Variants in DEPDC1B observed in about 807,000 individuals in gnomAD.
The protein encoded by DEPDC1B is DEP domain-containing protein 1B.
In DEPDC1B, 51 loss-of-function variants were observed where a neutral mutation model predicts 66.5. The ratio of observed to expected loss-of-function variants is 0.77; its 90% CI spans 0.61 to 0.97. The LOEUF is 0.97. Ranked by LOEUF, DEPDC1B falls within the 50% of genes least tolerant of loss-of-function variation. The probability of loss-of-function intolerance (pLI) is 0.00; values close to 1 mark genes in which losing one functional copy is unlikely to be tolerated. For missense variants in DEPDC1B, 552 were observed against 637.1 expected, an observed-to-expected ratio of 0.87 and a Z score of 1.44; for synonymous variants, 226 against 223.6, an observed-to-expected ratio of 1.01 and a Z score of -0.10.
chr5:60,610,761 T>G (rs1412719911), intron 7 of DEPDC1B, among the ~76,000 whole-genome samples: 2 of 152,202 alleles, frequency 1.3e-5, no homozygotes, highest in Non-Finnish European at 2.9e-5. Flanking sequence ...ACTGGAAGAT[T>G]TTCAGGCTTG....
At chr5:60,684,834 C>A (rs1754376377) in intron 2 of DEPDC1B, among the ~76,000 whole-genome samples, 1 of 152,094 alleles carries the variant, frequency 6.6e-6, no homozygotes, top group African/African-American at 2.4e-5. Flanking sequence ...AACTATTCAT[C>A]CAACAAGGGA....
chr5:60,657,037 T>C (rs1356715805), intron 2 of DEPDC1B, among the ~76,000 whole-genome samples: 2 of 152,246 alleles, frequency 1.3e-5, no homozygotes, highest in Admixed American at 6.5e-5. Flanking sequence ...TTTATCATTA[T>C]ATAATATTCC....
chr5:60,619,236 G>T (rs1277871634), intron 7 of DEPDC1B, among the ~76,000 whole-genome samples: 1 of 152,158 alleles, frequency 6.6e-6, no homozygotes, highest in African/African-American at 2.4e-5. Context: ...CACAAGACAG[G>T]GATGTCCTCT....
intron 7 of DEPDC1B, among the ~76,000 whole-genome samples, chr5:60,606,829 T>C (rs1752321313): frequency 6.6e-6 from 1 of 151,870 alleles, no homozygotes; most frequent in Non-Finnish European, 1.5e-5. Context: ...TTTTTTACTA[T>C]ATTTGTCCCT....
chr5:60,616,985 A>C (rs1752572347), intron 7 of DEPDC1B, among the ~76,000 whole-genome samples: 1 of 152,364 alleles, frequency 6.6e-6, no homozygotes, highest in East Asian at 1.9e-4. Context: ...CCAATATTCA[A>C]CATTCCTGAA....
intron 2 of DEPDC1B, among the ~76,000 whole-genome samples, chr5:60,650,109 G>A (rs867354080): frequency 1.3e-5 from 2 of 152,006 alleles, no homozygotes; most frequent in Admixed American, 6.6e-5. Context: ...CCAGCTACTC[G>A]GGAAGCTGAG....
At chr5:60,622,015 T>C (rs1358051427) in intron 7 of DEPDC1B, among the ~76,000 whole-genome samples, 1 of 149,418 alleles carries the variant, frequency 6.7e-6, no homozygotes, top group East Asian at 1.9e-4. Flanking sequence ...AAAATAAAAA[T>C]AAAACATGAT....
At chr5:60,671,302 AC>A (rs1161231603) in intron 2 of DEPDC1B, among the ~76,000 whole-genome samples, 1 of 152,184 alleles carries the variant, frequency 6.6e-6, no homozygotes, top group Non-Finnish European at 1.5e-5. Flanking sequence ...GAAAGCACCA[AC>A]GTGTGGGCAA....
chr5:60,618,309 GAGACACAAA>G (rs1295008649), intron 7 of DEPDC1B, among the ~76,000 whole-genome samples: 1 of 152,122 alleles, frequency 6.6e-6, no homozygotes, highest in Non-Finnish European at 1.5e-5. Context: ...GAAGGAAATA[GAGACACAAA>G]AAACCCTTCA....
At chr5:60,686,345 C>T (rs1010549026) in intron 2 of DEPDC1B, among the ~76,000 whole-genome samples, 3 of 152,192 alleles carry the variant, frequency 2.0e-5, no homozygotes, top group Admixed American at 6.5e-5. Context: ...CTCTCCTCCA[C>T]CTCCAGCAAT....
intron 7 of DEPDC1B, among the ~76,000 whole-genome samples, chr5:60,615,789 G>A (rs879348564): frequency 2.0e-5 from 3 of 152,226 alleles, no homozygotes; most frequent in Non-Finnish European, 2.9e-5. Flanking sequence ...GCCTTGAAGA[G>A]AGTAGTGGTT....
In DEPDC1B at chr5:60,650,129, T is replaced by A. The variant is rs572456239; in HGVS notation, c.315-2596A>T. Among the ~76,000 whole-genome samples the A allele has an allele frequency of 3.9e-3, 592 of 152,022 alleles. 3 individuals are homozygous for A. Among genetic ancestry groups the A allele is most frequent in the Non-Finnish European group, 5.7e-3 (386 of 67,992 alleles). On this transcript the variant is annotated intron_variant, in intron 2 of 10. Coordinates refer to ENST00000265036, the MANE Select transcript of DEPDC1B (RefSeq NM_018369.3). ...TACTCGGGAAGCTGAGATGAGAGGA[T>A]CACTTGAAGCCAGGAGTTCAAGACC...
chr5:60,623,999 T>C (rs1207548265), intron 7 of DEPDC1B, among the ~76,000 whole-genome samples: 1 of 152,186 alleles, frequency 6.6e-6, no homozygotes, highest in African/African-American at 2.4e-5. Flanking sequence ...TTCATTTTCA[T>C]GCCTTTAAGG....
intron 7 of DEPDC1B, among the ~76,000 whole-genome samples, chr5:60,630,079 A>G (rs1434585881): frequency 1.3e-5 from 2 of 152,200 alleles, no homozygotes; most frequent in Non-Finnish European, 2.9e-5. Flanking sequence ...CATTTCTGAT[A>G]TTAAGTTTAG....
At position 60,700,154 on chromosome 5, in the gene DEPDC1B, A is replaced by T; in HGVS notation, c.-61T>A. ...GCTGATCCCCGCCAGCCGGAGGAGC[A>T]GCAGTTTGAATCCCAAGCCCGCGGG... On this transcript the variant is annotated 5_prime_UTR_variant, in exon 1 of 11. Transcript: ENST00000265036. 6.6e-7 allele frequency: 1 copy of T among 1,513,992 alleles called. No homozygotes were observed. Among genetic ancestry groups the T allele is most frequent in the Non-Finnish European group, 8.8e-7 (1 of 1,135,348 alleles). 93.8% of individuals were successfully genotyped at this position (1,513,992 alleles called of 1,614,324 possible).
At chr5:60,674,542 A>G (rs982932363) in intron 2 of DEPDC1B, among the ~76,000 whole-genome samples, 2 of 152,166 alleles carry the variant, frequency 1.3e-5, no homozygotes, top group Non-Finnish European at 2.9e-5. Flanking sequence ...TTCAGTGCCT[A>G]CAAAGGATCC....
At chr5:60,679,079 T>C (rs948853763) in intron 2 of DEPDC1B, among the ~76,000 whole-genome samples, 9 of 152,244 alleles carry the variant, frequency 5.9e-5, no homozygotes, top group African/African-American at 1.7e-4. Context: ...AAGGTTTATG[T>C]TGAGGTTCTT....
intron 2 of DEPDC1B, among the ~76,000 whole-genome samples, chr5:60,660,871 G>A (rs1215739320): frequency 2.6e-5 from 4 of 152,192 alleles, no homozygotes; most frequent in African/African-American, 4.8e-5. Context: ...AGAAAAGGAG[G>A]ACAGATGGTT....
chr5:60,691,700 C>T (rs981685821), intron 1 of DEPDC1B, among the ~76,000 whole-genome samples: 1 of 151,972 alleles, frequency 6.6e-6, no homozygotes, highest in Non-Finnish European at 1.5e-5. Context: ...CTTCAAATGT[C>T]CTATAACATA....
Sources: allele counts gnomAD v4.1 joint callset (sites outside exome capture counted in the v4.1 genomes callset), GRCh38; gene constraint gnomAD v4.1.1; transcripts MANE v1.5; gene names NCBI Gene and HGNC (gene_info 2026-07-23, HGNC 2026-07-21).